Variants in SERPINF1 observed in about 807,000 individuals in gnomAD.
SERPINF1 encodes serpin family F member 1.
SERPINF1 carries 29 observed loss-of-function variants against 37.3 expected under a neutral mutation model. The ratio of observed to expected loss-of-function variants is 0.78; its 90% CI spans 0.58 to 1.06. The LOEUF (loss-of-function observed/expected upper bound fraction) is 1.06, where lower values mean the gene tolerates loss of function less well. Ranked by LOEUF, SERPINF1 falls within the 50% of genes least tolerant of loss-of-function variation. The pLI is 0.00. For missense variants in SERPINF1, 553 were observed against 532.2 expected, an observed-to-expected ratio of 1.04 and a Z score of -0.38; for synonymous variants, 281 against 227.9, an observed-to-expected ratio of 1.23 and a Z score of -2.10.
intron 1 of SERPINF1, among the ~76,000 whole-genome samples, chr17:1,764,948 A>C (rs1330210738): frequency 1.4e-5 from 2 of 146,108 alleles, no homozygotes; most frequent in Non-Finnish European, 3.0e-5. Flanking sequence ...GATTCAAGTG[A>C]TTCTCCTGCC....
intron 1 of SERPINF1, among the ~76,000 whole-genome samples, chr17:1,764,845 C>CTTTTT (rs11483374): frequency 7.6e-6 from 1 of 132,166 alleles, no homozygotes; most frequent in African/African-American, 2.9e-5. Flanking sequence ...TTTTTTTTTC[C>CTTTTT]TTTTTTTTTT....
chr17:1,775,080 C>G lies in SERPINF1; in HGVS notation c.666C>G (p.Asp222Glu), dbSNP rs1052666965. 31 of 1,614,104 alleles carry G rather than the reference C, an allele frequency of 1.9e-5. No individual in the cohort carries two copies. The highest frequency in any genetic ancestry group is 2.5e-5 in the Non-Finnish European group (29 of 1,180,022). The change falls in exon 6 of 8, where the codon GAC becomes GAG. Residue 222 changes from aspartate to glutamate, a missense_variant. By Grantham distance (45) the Asp-to-Glu change is conservative. Transcript: ENST00000254722. Reference protein sequence around the residue: ...HFKGQWVTKFDSRKTSLEDFY... With the variant: ...HFKGQWVTKFESRKTSLEDFY... ...CAGGGCAGTGGGTAACAAAGTTTGA[C>G]TCCAGAAAGACTTCCCTCGAGGATT... is the stretch of plus-strand genomic sequence containing the variant.
chr17:1,777,331 A>C lies in SERPINF1; in HGVS notation c.1142A>C (p.His381Pro). The C allele has an allele frequency of 1.9e-6, 3 of 1,613,890 alleles. No individual in the cohort carries two copies. Among genetic ancestry groups the C allele is most frequent in the East Asian group, 2.2e-5 (1 of 44,858 alleles). Residue 381 changes from histidine (H) to proline (P), a missense_variant, in exon 8 of 8, where the codon CAC (histidine) becomes CCC (proline). Transcript: ENST00000254722. Reference sequence around the variant, plus strand: ...CCCAGCCCAGGGCTGCAGCCTGCCCACCTCACCTTCCCGCTGGACTATCAC... The same window carrying C: ...CCCAGCCCAGGGCTGCAGCCTGCCCCCCTCACCTTCCCGCTGGACTATCAC... ...TTPSPGLQPA[H>P]LTFPLDYHLN...
Position 1,770,051 on chromosome 17 carries a change from G to A in SERPINF1, c.283+1G>A, listed in dbSNP as rs1597350158. On this transcript the variant is annotated splice_donor_variant, in intron 3 of 7. Coordinates refer to ENST00000254722, the MANE Select transcript of SERPINF1 (RefSeq NM_002615.7). LOFTEE classifies it high-confidence loss of function. Reference sequence around the variant, plus strand: ...ACGGCCCTCTCGGCCCTCTCGCTGGGTGAGTGCTCAGATGCAGGAAGCCCC... The same window carrying A: ...ACGGCCCTCTCGGCCCTCTCGCTGGATGAGTGCTCAGATGCAGGAAGCCCC... 6.2e-7 allele frequency: 1 copy of A among 1,614,116 alleles called. No individual in the cohort carries two copies. The highest frequency in any genetic ancestry group is 1.3e-5 in the African/African-American group (1 of 75,066).
chr17:1,767,646 G>A (rs990379826), intron 2 of SERPINF1, among the ~76,000 whole-genome samples: 1 of 152,190 alleles, frequency 6.6e-6, no homozygotes, highest in Non-Finnish European at 1.5e-5. Context: ...AGTGTTATGG[G>A]GTGAGTGTTG....
intron 4 of SERPINF1, 147 bp from the exon 5 acceptor site, chr17:1,771,725 A>G (rs1907748191): frequency 3.9e-6 from 3 of 772,804 alleles, no homozygotes; most frequent in Admixed American, 4.0e-5. Flanking sequence ...GGATGCCAGC[A>G]GAAGTCCTGG....
At chr17:1,772,706 C>T (rs1907824493) in intron 5 of SERPINF1, among the ~76,000 whole-genome samples, 2 of 152,026 alleles carry the variant, frequency 1.3e-5, no homozygotes, top group Admixed American at 6.6e-5. Flanking sequence ...CTACAGGCGC[C>T]CGCCACTGCG....
At chr17:1,769,019 A>G (rs1907557705) in intron 2 of SERPINF1, among the ~76,000 whole-genome samples, 1 of 144,118 alleles carries the variant, frequency 6.9e-6, no homozygotes, top group African/African-American at 2.6e-5. Context: ...GTTGCCCAGG[A>G]TGGTCTCGAA....
chr17:1,777,044 C>A, intron 7 of SERPINF1, 143 bp from the exon 8 acceptor site: 1 of 1,320,180 alleles, frequency 7.6e-7, no homozygotes, highest in Non-Finnish European at 1.1e-6. Flanking sequence ...GCAAGTCACT[C>A]CACCCTCGGT....
At chr17:1,766,867 G>A (rs561892994) in intron 1 of SERPINF1, 36 bp from the exon 2 acceptor site, 5 of 1,539,152 alleles carry the variant, frequency 3.2e-6, no homozygotes, top group East Asian at 4.9e-5. Flanking sequence ...GCAGTGTCGG[G>A]GGAGAGCGGC....
intron 5 of SERPINF1, among the ~76,000 whole-genome samples, chr17:1,773,231 T>A (rs532547142): frequency 2.0e-5 from 3 of 152,108 alleles, no homozygotes; most frequent in Non-Finnish European, 4.4e-5. Flanking sequence ...TTTCCCAGCT[T>A]TTGAGTCAGA....
intron 4 of SERPINF1, 53 bp from the exon 5 acceptor site, chr17:1,771,819 G>A (rs964273232): frequency 2.8e-5 from 43 of 1,560,980 alleles, no homozygotes; most frequent in Middle Eastern, 4.5e-4. Context: ...TCTCAAAGAC[G>A]GGATGCTTGT....
intron 5 of SERPINF1, among the ~76,000 whole-genome samples, chr17:1,772,336 G>A (rs1396363024): frequency 6.6e-6 from 1 of 151,776 alleles, no homozygotes; most frequent in African/African-American, 2.4e-5. Flanking sequence ...GGCTGGTCTC[G>A]AACTCCTGAG....
chr17:1,770,891 C>T (rs759780669), intron 3 of SERPINF1, 138 bp from the exon 4 acceptor site: 2 of 1,100,828 alleles, frequency 1.8e-6, no homozygotes, highest in Non-Finnish European at 2.8e-6. Context: ...TCCTTGGCCA[C>T]CTAGATTGTC....
chr17:1,770,177 C>T lies in SERPINF1; in HGVS notation c.283+127C>T, dbSNP rs919146533. On this transcript the variant is annotated intron_variant, in intron 3 of 7. Coordinates refer to ENST00000254722, the MANE Select transcript of SERPINF1 (RefSeq NM_002615.7). ...GGTGAAGTAGCACCAGGGGCCTGGC[C>T]TGGGGGTCCCAGCTGTGTAAGCAGG... The T allele has an allele frequency of 8.8e-6, 9 of 1,017,076 alleles. No individual in the cohort carries two copies. The South Asian group carries it at 1.3e-4, about 14-fold the overall frequency. 63.0% of individuals were successfully genotyped at this position (1,017,076 alleles called of 1,614,324 possible).
intron 4 of SERPINF1, chr17:1,771,631 G>T (rs761932352): frequency 3.5e-6 from 2 of 563,470 alleles, no homozygotes; most frequent in Non-Finnish European, 3.2e-6. Context: ...GAAAGAGGAA[G>T]TGGGCTGCAG....
intron 6 of SERPINF1, 100 bp downstream of exon 6, chr17:1,775,300 T>C: frequency 1.6e-6 from 2 of 1,223,786 alleles, no homozygotes; most frequent in Non-Finnish European, 1.2e-6. Flanking sequence ...ATCCGACAGC[T>C]GTCTACATGT....
chr17:1,768,249 G>C (rs189871875), intron 2 of SERPINF1, among the ~76,000 whole-genome samples: 1 of 151,838 alleles, frequency 6.6e-6, no homozygotes, highest in Non-Finnish European at 1.5e-5. Flanking sequence ...GGCTAACATG[G>C]TGAAACCCCG....
Position 1,770,016 on chromosome 17 carries a change from C to CA in SERPINF1, c.250dup (p.Ser84LysfsTer28), listed in dbSNP as rs745962372. The stretch of plus-strand genomic sequence containing the variant: ...CGACCAACGTGCTCCTGTCTCCTCT[C>CA]AGTGTGGCCACGGCCCTCTCGGCCC... On this transcript the variant is annotated frameshift_variant, in exon 3 of 8. Coordinates refer to ENST00000254722, the MANE Select transcript of SERPINF1 (RefSeq NM_002615.7). LOFTEE classifies it high-confidence loss of function. 1 of 1,614,230 alleles carries CA rather than the reference C, an allele frequency of 6.2e-7. No homozygotes were observed. The highest frequency in any genetic ancestry group is 8.5e-7 in the Non-Finnish European group (1 of 1,180,038).
Sources: allele counts gnomAD v4.1 joint callset (sites outside exome capture counted in the v4.1 genomes callset), GRCh38; gene constraint gnomAD v4.1.1; transcripts MANE v1.5; gene names NCBI Gene and HGNC (gene_info 2026-07-23, HGNC 2026-07-21).